GALNT2: variants seen among roughly 807,000 people sequenced by gnomAD.
The protein encoded by GALNT2 is UDP-GalNAc:polypeptide N-acetylgalactosaminyltransferase 2.
GALNT2 carries 31 observed loss-of-function variants against 81.4 expected under a neutral mutation model. The observed-to-expected ratio is 0.38, with a 90% confidence interval of 0.29 to 0.51. The LOEUF is 0.51. Among genes scored for constraint, GALNT2 ranks in the 20% least tolerant of loss-of-function variants. The pLI, the probability that GALNT2 is intolerant of heterozygous loss-of-function variation, is 0.87. For synonymous variants in GALNT2, 303 were observed against 287.4 expected, an observed-to-expected ratio of 1.05 and a Z score of -0.55; for missense variants, 629 against 765.7, an observed-to-expected ratio of 0.82 and a Z score of 2.11.
At chr1:230,189,191 C>T (rs1252451125) in intron 2 of GALNT2, among the ~76,000 whole-genome samples, 1 of 152,134 alleles carries the variant, frequency 6.6e-6, no homozygotes, top group Non-Finnish European at 1.5e-5. Context: ...TCCTTAGTAA[C>T]CTTGTGTAAA....
chr1:230,201,661 G>C (rs554309923), intron 2 of GALNT2, among the ~76,000 whole-genome samples: 1 of 152,278 alleles, frequency 6.6e-6, no homozygotes, highest in South Asian at 2.1e-4. Context: ...GTTTCGTGTA[G>C]CTGCCGGCAG....
chr1:230,149,281 G>A (rs557527777), intron 1 of GALNT2, among the ~76,000 whole-genome samples: 3 of 152,260 alleles, frequency 2.0e-5, no homozygotes, highest in South Asian at 2.1e-4. Context: ...CTCCTGGAGC[G>A]GGTGGGAGGA....
At position 230,257,466 on chromosome 1, in the gene GALNT2, A is replaced by T. The variant is rs767892355; in HGVS notation, c.1136+2122A>T. Among the ~76,000 whole-genome samples the T allele has an allele frequency of 1.3e-5, 2 of 152,222 alleles. No homozygotes were observed. Among genetic ancestry groups the T allele is most frequent in the Non-Finnish European group, 2.9e-5 (2 of 68,034 alleles). On this transcript the variant is annotated intron_variant, in intron 11 of 15. Transcript: ENST00000366672. This position sits in a 1 kb window ranked among gnomAD's most constrained non-coding sequence, Gnocchi z 4.6. ...TACCTTTTCTTTGTTTAGATACACA[A>T]ATACTTACCATTGTGTTACAGTTTC...
chr1:230,076,990 T>G (rs1040989686), intron 1 of GALNT2, among the ~76,000 whole-genome samples: 1 of 152,202 alleles, frequency 6.6e-6, no homozygotes, highest in Admixed American at 6.5e-5. Context: ...GAAGGGTCTT[T>G]CTTAGCTAAA....
chr1:230,067,244 G>T lies in GALNT2; in HGVS notation c.-37G>T, dbSNP rs1399860780. ...CGCGGCCGGCCCAGGCAGCACTCGC[G>T]AGCAGCGGCGGCCCCGCCGGCGGCC... On this transcript the variant is annotated 5_prime_UTR_variant, in exon 1 of 16. Transcript: ENST00000366672. The T allele has an allele frequency of 5.5e-5, 69 of 1,245,356 alleles. No homozygotes were observed. The highest frequency in any genetic ancestry group is 6.4e-5 in the Non-Finnish European group (63 of 986,920). 77.1% of individuals were successfully genotyped at this position (1,245,356 alleles called of 1,614,324 possible).
rs939364122 is a variant in GALNT2, at chr1:230,271,660, C to T, written c.1441-2785C>T. ...TAGAACTCAGGAAAACGGTTTACTTCGTGGCTTACCTGTTCATTAGGAAAG... is the reference window on the plus strand; with the variant it reads ...TAGAACTCAGGAAAACGGTTTACTTTGTGGCTTACCTGTTCATTAGGAAAG... On this transcript the variant is annotated intron_variant, in intron 14 of 15. Transcript: ENST00000366672. This position sits in a 1 kb window ranked among gnomAD's most constrained non-coding sequence, Gnocchi z 4.2. 1.3e-5 allele frequency among the ~76,000 whole-genome samples: 2 copies of T among 152,214 alleles called. No homozygotes were observed. Among genetic ancestry groups the T allele is most frequent in the East Asian group, 3.9e-4 (2 of 5,194 alleles).
At chr1:230,074,693 A>G (rs1659480738) in intron 1 of GALNT2, among the ~76,000 whole-genome samples, 1 of 152,214 alleles carries the variant, frequency 6.6e-6, no homozygotes, top group Non-Finnish European at 1.5e-5. Context: ...GAGGGCTAAT[A>G]TATTAATACG....
intron 1 of GALNT2, among the ~76,000 whole-genome samples, chr1:230,132,291 C>A (rs1661394320): frequency 6.6e-6 from 1 of 152,142 alleles, no homozygotes; most frequent in Non-Finnish European, 1.5e-5. Context: ...GTAGGGGAGA[C>A]CAGGACGTCC....
At chr1:230,259,000 G>A (rs1225026572) in intron 11 of GALNT2, 2 of 152,132 alleles carry the variant, frequency 1.3e-5, no homozygotes, top group Non-Finnish European at 2.9e-5. Flanking sequence ...CTGATCCAGG[G>A]TTTCATTATT....
chr1:230,091,476 T>C (rs755124743), intron 1 of GALNT2: 2 of 152,240 alleles, frequency 1.3e-5, no homozygotes, highest in African/African-American at 2.4e-5. Context: ...TGCATCGGCC[T>C]TCTCGTTCTG....
intron 14 of GALNT2, among the ~76,000 whole-genome samples, chr1:230,272,143 G>A (rs1666174863): frequency 6.6e-6 from 1 of 152,178 alleles, no homozygotes; most frequent in Non-Finnish European, 1.5e-5. Flanking sequence ...TTGTGCCAGA[G>A]ACCAAATAAT....
In GALNT2 at chr1:230,257,930, C is replaced by T. The variant is rs1390698270; in HGVS notation, c.1136+2586C>T. The stretch of plus-strand genomic sequence containing the variant: ...AGCTTATCTTTTGTCTAGTTTTTTT[C>T]TTGAGACAGAGTCTTGCTCTGTTGC... On this transcript the variant is annotated intron_variant, in intron 11 of 15. Transcript: ENST00000366672. The surrounding 1 kb of genome is among the most constrained non-coding windows in gnomAD (Gnocchi z 4.6). Among the ~76,000 whole-genome samples, 5 of 152,110 alleles carry T rather than the reference C, an allele frequency of 3.3e-5. No homozygotes were observed. Among genetic ancestry groups the T allele is most frequent in the Admixed American group, 2.0e-4 (3 of 15,272 alleles).
At chr1:230,135,180 G>A (rs920943153) in intron 1 of GALNT2, among the ~76,000 whole-genome samples, 7 of 152,000 alleles carry the variant, frequency 4.6e-5, no homozygotes, top group African/African-American at 1.5e-4. Context: ...CCTGGAATTG[G>A]TGTTTGGTCC....
rs375920987 is a variant in GALNT2 at position 230,281,427 on chromosome 1, T to A, written c.*1969T>A. On this transcript the variant is annotated 3_prime_UTR_variant, in exon 16 of 16. Transcript: ENST00000366672. ...TAGGTACCTGTGCGAGGCTGTGGAGTGCAGGCCAGAGCAGGGTGTGCGTAG... is the reference window on the plus strand; with the variant it reads ...TAGGTACCTGTGCGAGGCTGTGGAGAGCAGGCCAGAGCAGGGTGTGCGTAG... 6.6e-6 allele frequency: 1 copy of A among 152,082 alleles called. No homozygotes were observed. Among genetic ancestry groups the A allele is most frequent in the African/African-American group, 2.4e-5 (1 of 41,366 alleles). 9.4% of individuals were successfully genotyped at this position (152,082 alleles called of 1,614,324 possible).
chr1:230,125,388 T>TCCCTCAGGAGTGTAGCGAGG (rs1471167296), intron 1 of GALNT2, among the ~76,000 whole-genome samples: 1 of 152,178 alleles, frequency 6.6e-6, no homozygotes, highest in African/African-American at 2.4e-5. Flanking sequence ...TAGCGACCCC[T>TCCCTCAGGAGTGTAGCGAGG]CCCTCAGGAG....
intron 1 of GALNT2, among the ~76,000 whole-genome samples, chr1:230,103,938 C>T (rs543813914): frequency 5.3e-5 from 8 of 152,320 alleles, no homozygotes; most frequent in East Asian, 3.9e-4. Flanking sequence ...TCTCCCAGAG[C>T]GACTGTTTCC....
At chr1:230,085,418 G>A (rs11122300) in intron 1 of GALNT2, among the ~76,000 whole-genome samples, 21,978 of 152,248 alleles carry the variant, frequency 0.14, 1,969 homozygotes, top group East Asian at 0.22. Context: ...GAGGCTGTTA[G>A]AGGATGCTAG....
intron 1 of GALNT2, among the ~76,000 whole-genome samples, chr1:230,167,924 T>G (rs1184995443): frequency 6.6e-6 from 1 of 151,838 alleles, no homozygotes; most frequent in Admixed American, 6.6e-5. Flanking sequence ...TGCAATTGAT[T>G]TTTACATAAA....
Position 230,280,006 on chromosome 1 carries a change from C to T in GALNT2, c.*548C>T. The T allele has an allele frequency of 2.2e-6, 1 of 456,164 alleles. No individual in the cohort carries two copies. The highest frequency in any genetic ancestry group is 2.3e-5 in the Admixed American group (1 of 42,572). The allele number at this position is 456,164 out of a possible 1,614,324, so 28.3% of individuals were successfully genotyped here. The stretch of plus-strand genomic sequence containing the variant: ...TCTTCCTGGGCCAGACTCCCCTCCA[C>T]CTCATGTACTTGCTATATTGAGGAT... On this transcript the variant is annotated 3_prime_UTR_variant, in exon 16 of 16. Coordinates refer to ENST00000366672, the MANE Select transcript of GALNT2 (RefSeq NM_004481.5).
Sources: gnomAD v4.1 joint callset for allele counts (sites outside exome capture counted in the v4.1 genomes callset) on GRCh38, gnomAD v4.1.1 for gene constraint, Gnocchi (gnomAD v3.1) non-coding constraint, MANE v1.5 for transcripts, NCBI Gene and HGNC (gene_info 2026-07-23, HGNC 2026-07-21) for gene names.